WWOX: variants seen among roughly 807,000 people sequenced by gnomAD.
WWOX encodes the protein WW domain containing oxidoreductase.
A neutral mutation model predicts 46.2 loss-of-function variants in WWOX; 69 were observed. The ratio of observed to expected loss-of-function variants is 1.49; its 90% CI spans 1.23 to 1.82. The LOEUF (loss-of-function observed/expected upper bound fraction) is 1.82, where lower values mean the gene tolerates loss of function less well. Among genes scored for constraint, WWOX ranks in the 40% most tolerant of loss-of-function variants. The pLI is 0.00. For missense variants in WWOX, 919 were observed against 542.6 expected (o/e 1.69, Z -6.89); for synonymous variants, 359 against 202.6 (o/e 1.77, Z -6.56).
At chr16:78,584,403 C>T (rs766670265) in intron 8 of WWOX, among the ~76,000 whole-genome samples, 1 of 152,202 alleles carries the variant, frequency 6.6e-6, no homozygotes, top group Non-Finnish European at 1.5e-5. Context: ...TGGGATTTCG[C>T]AACACGTCGC....
intron 8 of WWOX, among the ~76,000 whole-genome samples, chr16:78,955,991 CA>C (rs35717909): frequency 6.8e-6 from 1 of 147,874 alleles, no homozygotes; most frequent in Non-Finnish European, 1.5e-5. Context: ...AAACAAAAAA[CA>C]AAAAAAAACA....
chr16:78,378,178 G>A (rs1001101413), intron 5 of WWOX, among the ~76,000 whole-genome samples: 12 of 152,036 alleles, frequency 7.9e-5, no homozygotes, highest in African/African-American at 2.9e-4. Context: ...TTTTGGTGTG[G>A]TTCTGTGTTT....
chr16:78,381,128 C>G (rs1419199481), intron 5 of WWOX, among the ~76,000 whole-genome samples: 1 of 152,280 alleles, frequency 6.6e-6, no homozygotes, highest in Non-Finnish European at 1.5e-5. Flanking sequence ...GCTGCAATGA[C>G]AATATCTCCC....
chr16:79,147,553 C>T (rs1287112839), intron 8 of WWOX, among the ~76,000 whole-genome samples: 1 of 152,198 alleles, frequency 6.6e-6, no homozygotes, highest in Non-Finnish European at 1.5e-5. Flanking sequence ...CTATTATAAA[C>T]ATTTGTACAC....
intron 5 of WWOX, among the ~76,000 whole-genome samples, chr16:78,225,529 A>G (rs1332650833): frequency 6.6e-6 from 1 of 152,116 alleles, no homozygotes; most frequent in East Asian, 1.9e-4. Flanking sequence ...ATCCTTCTCC[A>G]TGGTAACATT....
chr16:78,425,085 AT>A (rs757643012), intron 7 of WWOX, 30 bp downstream of exon 7: 7 of 1,611,692 alleles, frequency 4.3e-6, no homozygotes, highest in African/African-American at 2.7e-5. Flanking sequence ...TTGTTCACTT[AT>A]CCCCTTTCTC....
At chr16:78,374,540 T>A in intron 5 of WWOX, among the ~76,000 whole-genome samples, 1 of 13,896 alleles carries the variant, frequency 7.2e-5, no homozygotes, top group Non-Finnish European at 3.6e-4. Flanking sequence ...TTTTTTTTTT[T>A]TTTTTTTTTT....
intron 8 of WWOX, among the ~76,000 whole-genome samples, chr16:79,198,634 G>C (rs896025940): frequency 6.6e-6 from 1 of 152,220 alleles, no homozygotes; most frequent in Non-Finnish European, 1.5e-5. Flanking sequence ...CTTAGTAGCA[G>C]TGGGGTCAAG....
intron 5 of WWOX, among the ~76,000 whole-genome samples, chr16:78,335,364 G>A (rs557591015): frequency 6.6e-6 from 1 of 152,248 alleles, no homozygotes; most frequent in East Asian, 1.9e-4. Context: ...ACTTATAAAC[G>A]AGAGCATGCA....
intron 8 of WWOX, among the ~76,000 whole-genome samples, chr16:78,735,281 T>G (rs1302468389): frequency 1.3e-5 from 2 of 151,970 alleles, no homozygotes; most frequent in African/African-American, 4.8e-5. Context: ...CTCTCCACCT[T>G]GCCTATAGCG....
At chr16:78,677,128 T>G (rs555726826) in intron 8 of WWOX, among the ~76,000 whole-genome samples, 1 of 152,026 alleles carries the variant, frequency 6.6e-6, no homozygotes, top group Admixed American at 6.5e-5. Flanking sequence ...CATCTACACA[T>G]AAGGACACAG....
At chr16:78,682,875 A>C (rs1171016472) in intron 8 of WWOX, among the ~76,000 whole-genome samples, 3 of 152,206 alleles carry the variant, frequency 2.0e-5, no homozygotes, top group Non-Finnish European at 2.9e-5. Context: ...GCAGCTTTAG[A>C]TAATGCATTG....
At chr16:79,138,090 C>T (rs2050018011) in intron 8 of WWOX, among the ~76,000 whole-genome samples, 1 of 152,118 alleles carries the variant, frequency 6.6e-6, no homozygotes, top group South Asian at 2.1e-4. Flanking sequence ...AAGCCCAAGC[C>T]CTGTGATCCA....
chr16:78,783,719 G>T (rs2050385061), intron 8 of WWOX, among the ~76,000 whole-genome samples: 1 of 76,970 alleles, frequency 1.3e-5, no homozygotes. Flanking sequence ...AGATGAGGGT[G>T]ATGATGTTGA....
rs543272188 is a variant in WWOX, at chr16:78,810,549, A to C, written c.1056+377797A>C. 8.9e-4 allele frequency among the ~76,000 whole-genome samples: 135 copies of C among 152,322 alleles called. 1 individual carries two copies. Among genetic ancestry groups the C allele is most frequent in the Non-Finnish European group, 2.9e-4 (20 of 68,028 alleles). ...TTAACAAAATAAATTAATAGTCAACAACTGATTAAAGCATTTCCCTGCTAC... is the reference window on the plus strand; with the variant it reads ...TTAACAAAATAAATTAATAGTCAACCACTGATTAAAGCATTTCCCTGCTAC... On this transcript the variant is annotated intron_variant, in intron 8 of 8. Coordinates refer to ENST00000566780, the MANE Select transcript of WWOX (RefSeq NM_016373.4).
chr16:78,345,458 C>CAAAAAAAAAAAAAAAAAAAAAAAAAA lies in WWOX; in HGVS notation c.517-41391_517-41366dup, dbSNP rs71137889. ...CACCATGGCAAAACCCCATCGCTAC[C>CAAAAAAAAAAAAAAAAAAAAAAAAAA]AAAAAAAAAAAAAAAAAAAAAAAAA... On this transcript the variant is annotated intron_variant, in intron 5 of 8. Transcript: ENST00000566780. Among the ~76,000 whole-genome samples the CAAAAAAAAAAAAAAAAAAAAAAAAAA allele has an allele frequency of 3.7e-4, 10 of 26,772 alleles. 3 individuals are homozygous for CAAAAAAAAAAAAAAAAAAAAAAAAAA. The highest frequency in any genetic ancestry group is 8.5e-4 in the Non-Finnish European group (8 of 9,466). 17.6% of individuals were successfully genotyped at this position (26,772 alleles called of 152,430 possible).
intron 8 of WWOX, among the ~76,000 whole-genome samples, chr16:78,640,131 G>A (rs1321297006): frequency 1.3e-5 from 2 of 151,650 alleles, no homozygotes; most frequent in African/African-American, 2.4e-5. Flanking sequence ...TGGATCTTCA[G>A]GTTTGGAGGG....
intron 8 of WWOX, among the ~76,000 whole-genome samples, chr16:78,986,331 A>G (rs960307012): frequency 6.6e-6 from 1 of 152,200 alleles, no homozygotes; most frequent in Non-Finnish European, 1.5e-5. Context: ...AGAGGATACC[A>G]GTCTGACTCA....
chr16:78,632,453 G>C (rs2046456071), intron 8 of WWOX, among the ~76,000 whole-genome samples: 1 of 151,698 alleles, frequency 6.6e-6, no homozygotes, highest in Non-Finnish European at 1.5e-5. Context: ...TTTTGAAGAG[G>C]GTGTAGGCCA....
Sources: gnomAD v4.1 joint callset for allele counts (sites outside exome capture counted in the v4.1 genomes callset) on GRCh38, gnomAD v4.1.1 for gene constraint, MANE v1.5 for transcripts, NCBI Gene and HGNC (gene_info 2026-07-23, HGNC 2026-07-21) for gene names.